Variants in PARD3B observed in about 807,000 individuals in gnomAD.
The protein encoded by PARD3B is par-3 family cell polarity regulator beta, also known as partitioning defective 3 homolog B.
Under a neutral mutation model 130.2 loss-of-function variants are expected in PARD3B, and 103 were observed. The observed-to-expected ratio is 0.79, with a 90% confidence interval of 0.67 to 0.93. The LOEUF is 0.93. Ranked by LOEUF, PARD3B falls within the 40% of genes least tolerant of loss-of-function variation. The pLI, the probability that PARD3B is intolerant of heterozygous loss-of-function variation, is 0.00. For missense variants in PARD3B, 1,609 were observed against 1,499.2 expected (o/e 1.07, Z -1.21); for synonymous variants, 583 against 553.2 (o/e 1.05, Z -0.76).
chr2:205,262,375 T>G (rs1315554940), intron 16 of PARD3B, among the ~76,000 whole-genome samples: 1 of 152,080 alleles, frequency 6.6e-6, no homozygotes, highest in Non-Finnish European at 1.5e-5. Context: ...CTCTGTGCTT[T>G]TTTCTCCTTT....
chr2:204,771,311 T>C (rs1242063778), intron 2 of PARD3B, among the ~76,000 whole-genome samples: 2 of 152,094 alleles, frequency 1.3e-5, no homozygotes, highest in African/African-American at 2.4e-5. Context: ...ATGAATTATC[T>C]GCACCCAAGC....
rs964388830 is a variant in PARD3B at position 204,545,891 on chromosome 2, C to A, written c.-109C>A. The A allele has an allele frequency of 3.7e-5, 46 of 1,256,514 alleles. No individual in the cohort carries two copies. The highest frequency in any genetic ancestry group is 4.4e-5 in the Non-Finnish European group (42 of 956,226). 77.8% of individuals were successfully genotyped at this position (1,256,514 alleles called of 1,614,324 possible). On this transcript the variant is annotated 5_prime_UTR_variant, in exon 1 of 23. Transcript: ENST00000406610. ...CCTCAGGGTGTTCCGGGGAGCGGCG[C>A]CCCGGGTCTCTGGGCCCACCCGCCC...
At chr2:205,293,851 C>G (rs1015992496) in intron 16 of PARD3B, 2 of 151,994 alleles carry the variant, frequency 1.3e-5, no homozygotes, top group African/African-American at 4.8e-5. Flanking sequence ...TTTCCTACAA[C>G]AAATATTTGT....
Position 205,172,309 on chromosome 2 carries a change from A to G in PARD3B, c.1719A>G (p.Ser573=), listed in dbSNP as rs2035218398. 1 of 1,614,006 alleles carries G rather than the reference A, an allele frequency of 6.2e-7. No homozygotes were observed. Among genetic ancestry groups the G allele is most frequent in the Non-Finnish European group, 8.5e-7 (1 of 1,180,018 alleles). ...AAGCTATGGAAACACTTAGGCGGTCAATGTCCATGGAGGGAAACATCCGAG... is the reference window on the plus strand; with the variant it reads ...AAGCTATGGAAACACTTAGGCGGTCGATGTCCATGGAGGGAAACATCCGAG... ...NHEAMETLRR[S]MSMEGNIRGM... The change falls in exon 12 of 23, where the codon TCA becomes TCG. Residue 573 remains serine, a synonymous_variant. Coordinates refer to ENST00000406610, the MANE Select transcript of PARD3B (RefSeq NM_001302769.2).
chr2:205,185,963 C>G (rs2036075468), intron 14 of PARD3B, 100 bp downstream of exon 14: 1 of 997,140 alleles, frequency 1.0e-6, no homozygotes, highest in East Asian at 2.5e-5. Flanking sequence ...CTATTTCTTT[C>G]TGGAATGGAA....
intron 1 of PARD3B, among the ~76,000 whole-genome samples, chr2:204,644,940 G>A (rs1318579678): frequency 6.6e-6 from 1 of 151,320 alleles, no homozygotes; most frequent in Non-Finnish European, 1.5e-5. Context: ...TTTTGTTTTA[G>A]TTGCTGCTTT....
chr2:205,303,938 C>T (rs1459504613), intron 18 of PARD3B, among the ~76,000 whole-genome samples: 1 of 152,180 alleles, frequency 6.6e-6, no homozygotes, highest in African/African-American at 2.4e-5. Flanking sequence ...GATCACTATA[C>T]TTCTGTGGGC....
intron 1 of PARD3B, among the ~76,000 whole-genome samples, chr2:204,684,547 G>A (rs1307744460): frequency 6.6e-6 from 1 of 152,146 alleles, no homozygotes; most frequent in Non-Finnish European, 1.5e-5. Context: ...CTGGGGGAGA[G>A]CTGTATTGTC....
chr2:204,645,783 A>G (rs1372069601), intron 1 of PARD3B, among the ~76,000 whole-genome samples: 4 of 152,152 alleles, frequency 2.6e-5, no homozygotes, highest in South Asian at 4.1e-4. Context: ...TTTTAAAAGA[A>G]GGCAATTTCC....
At chr2:204,597,628 TGG>T (rs1191235276) in intron 1 of PARD3B, among the ~76,000 whole-genome samples, 1 of 152,174 alleles carries the variant, frequency 6.6e-6, no homozygotes, top group Non-Finnish European at 1.5e-5. Context: ...TGCTCTTAAG[TGG>T]GCCAGTCAAT....
At chr2:204,986,126 A>AAG (rs56129624) in intron 3 of PARD3B, among the ~76,000 whole-genome samples, 1 of 149,466 alleles carries the variant, frequency 6.7e-6, no homozygotes, top group Non-Finnish European at 1.5e-5. Flanking sequence ...AAAAAAAAAA[A>AAG]GAGCTTATCT....
intron 10 of PARD3B, among the ~76,000 whole-genome samples, chr2:205,143,995 T>A (rs994524833): frequency 2.6e-5 from 4 of 152,118 alleles, no homozygotes; most frequent in African/African-American, 9.7e-5. Flanking sequence ...AGTTGGTGGA[T>A]GGGATTATTA....
intron 1 of PARD3B, among the ~76,000 whole-genome samples, chr2:204,548,064 T>C (rs1167890300): frequency 6.6e-6 from 1 of 151,176 alleles, no homozygotes; most frequent in Admixed American, 6.6e-5. Flanking sequence ...TAGTAGGTGA[T>C]GATTTTTCCC....
chr2:205,273,083 A>G (rs2040802715), intron 16 of PARD3B, among the ~76,000 whole-genome samples: 1 of 152,252 alleles, frequency 6.6e-6, no homozygotes, highest in Non-Finnish European at 1.5e-5. Flanking sequence ...TTTCCAATGT[A>G]GACATTGAAA....
intron 2 of PARD3B, among the ~76,000 whole-genome samples, chr2:204,777,146 A>G (rs2041656049): frequency 6.6e-6 from 1 of 152,214 alleles, no homozygotes; most frequent in African/African-American, 2.4e-5. Flanking sequence ...ACAACTTTGA[A>G]TAAGTTGCAC....
Position 205,572,602 on chromosome 2 carries a change from G to A in PARD3B, c.3260+19199G>A, listed in dbSNP as rs575405370. The stretch of plus-strand genomic sequence containing the variant: ...TCTACTAAAATACAAAAAATTAGCC[G>A]GGCATAGTGGTGGGCACCTGTAGTC... On this transcript the variant is annotated intron_variant, in intron 22 of 22. Transcript: ENST00000406610. This position sits in a 1 kb window ranked among gnomAD's most constrained non-coding sequence, Gnocchi z 4.2. Among the ~76,000 whole-genome samples, 32 of 152,194 alleles carry A rather than the reference G, an allele frequency of 2.1e-4. No individual in the cohort carries two copies. Among genetic ancestry groups the A allele is most frequent in the African/African-American group, 6.3e-4 (26 of 41,542 alleles).
chr2:204,952,081 G>C (rs530151735), intron 2 of PARD3B, among the ~76,000 whole-genome samples: 67 of 152,288 alleles, frequency 4.4e-4, no homozygotes, highest in African/African-American at 1.6e-3. Context: ...TGGAAGCTTA[G>C]AGTCTTTAAG....
At chr2:204,546,956 T>C (rs989881290) in intron 1 of PARD3B, among the ~76,000 whole-genome samples, 3 of 152,218 alleles carry the variant, frequency 2.0e-5, no homozygotes, top group Non-Finnish European at 4.4e-5. Context: ...GTGAAACTTT[T>C]AAAGGAAGGC....
At chr2:205,437,497 C>G (rs2047558143) in intron 19 of PARD3B, among the ~76,000 whole-genome samples, 1 of 152,112 alleles carries the variant, frequency 6.6e-6, no homozygotes, top group South Asian at 2.1e-4. Context: ...TTTGTGTTGT[C>G]CAATATAGTA....
Sources: allele counts gnomAD v4.1 joint callset (sites outside exome capture counted in the v4.1 genomes callset), GRCh38; gene constraint gnomAD v4.1.1; non-coding constraint Gnocchi (gnomAD v3.1); transcripts MANE v1.5; gene names NCBI Gene and HGNC (gene_info 2026-07-23, HGNC 2026-07-21).